The following ARMC1 variants were observed in gnomAD, a reference collection of about 807,000 sequenced individuals.
ARMC1 encodes armadillo repeat-containing protein 1.
In ARMC1, 16 loss-of-function variants were observed where a neutral mutation model predicts 31.4. The ratio of observed to expected loss-of-function variants is 0.51; its 90% CI spans 0.34 to 0.77. The LOEUF is 0.77. Among genes scored for constraint, ARMC1 ranks in the 30% least tolerant of loss-of-function variants. The pLI is 0.01. For missense variants in ARMC1, 259 were observed against 347.5 expected (o/e 0.75, Z 2.02); for synonymous variants, 114 against 118.9 (o/e 0.96, Z 0.27).
At chr8:65,619,271 AC>A (rs1413142547) in intron 3 of ARMC1, among the ~76,000 whole-genome samples, 3 of 152,006 alleles carry the variant, frequency 2.0e-5, no homozygotes, top group Non-Finnish European at 4.4e-5. Context: ...GTGGTGATTC[AC>A]CCCTGTAATC....
At chr8:65,633,674 G>T (rs1808700985) in intron 1 of ARMC1, 1 of 152,270 alleles carries the variant, frequency 6.6e-6, no homozygotes, top group Non-Finnish European at 1.5e-5. Context: ...GCTCTTAGGA[G>T]ACACGCAGGT....
In ARMC1 at chr8:65,620,799, T is replaced by TAAAAAAAAAAAAAAA. The variant is rs112946805; in HGVS notation, c.275+1463_275+1464insTTTTTTTTTTTTTTT. ...TCCTGTAAAAGAATTTAGTTCCATTTAAAAAAAAACACAACTATCTGGGCA... is the reference window on the plus strand; with the variant it reads ...TCCTGTAAAAGAATTTAGTTCCATTTAAAAAAAAAAAAAAAAAAAAAAAACACAACTATCTGGGCA... On this transcript the variant is annotated intron_variant, in intron 3 of 6. Transcript: ENST00000276569. Among the ~76,000 whole-genome samples, 204 of 139,098 alleles carry TAAAAAAAAAAAAAAA rather than the reference T, an allele frequency of 1.5e-3. 2 individuals carry two copies. The highest frequency in any genetic ancestry group is 7.3e-3 in the Middle Eastern group (2 of 274). 91.3% of individuals were successfully genotyped at this position (139,098 alleles called of 152,430 possible).
chr8:65,623,786 C>CTTTTTTTTTTT lies in ARMC1; in HGVS notation c.184-1443_184-1433dup, dbSNP rs201008780. Among the ~76,000 whole-genome samples, 45 of 26,078 alleles carry CTTTTTTTTTTT rather than the reference C, an allele frequency of 1.7e-3. 11 individuals carry two copies. Among genetic ancestry groups the CTTTTTTTTTTT allele is most frequent in the East Asian group, 6.8e-3 (6 of 876 alleles). 17.1% of individuals were successfully genotyped at this position (26,078 alleles called of 152,430 possible). A position where few individuals can be genotyped will look rare whatever the true frequency, so the allele number is the denominator to read the frequency against. On this transcript the variant is annotated intron_variant, in intron 2 of 6. Transcript: ENST00000276569. ...ATGCCAGAAGACAACAAAGTAAAAT[C>CTTTTTTTTTTT]TTTTTTTTTTTTTTTTTTTTTTTTT...
At chr8:65,608,070 G>C (rs2129041038) in intron 4 of ARMC1, among the ~76,000 whole-genome samples, 1 of 152,168 alleles carries the variant, frequency 6.6e-6, no homozygotes, top group African/African-American at 2.4e-5. Flanking sequence ...AGAAATTTCA[G>C]ATCATTCTCC....
intron 1 of ARMC1, among the ~76,000 whole-genome samples, chr8:65,631,831 T>G (rs1168449457): frequency 6.6e-6 from 1 of 150,774 alleles, no homozygotes; most frequent in Non-Finnish European, 1.5e-5. Flanking sequence ...TGATCTTGCC[T>G]GTGAACAGCC....
At chr8:65,607,111 T>C (rs1193405116) in intron 4 of ARMC1, among the ~76,000 whole-genome samples, 1 of 152,228 alleles carries the variant, frequency 6.6e-6, no homozygotes, top group Non-Finnish European at 1.5e-5. Flanking sequence ...CCATTGCTCA[T>C]CTCCCTACTT....
chr8:65,623,283 G>A (rs540053471), intron 2 of ARMC1, among the ~76,000 whole-genome samples: 1 of 113,500 alleles, frequency 8.8e-6, no homozygotes, highest in Non-Finnish European at 1.7e-5. Flanking sequence ...ACTCCAGCCT[G>A]GGCGACAGAG....
chr8:65,613,033 T>C (rs1436568576), intron 4 of ARMC1, among the ~76,000 whole-genome samples: 2 of 152,212 alleles, frequency 1.3e-5, no homozygotes, highest in Admixed American at 1.3e-4. Context: ...TTTCTCTAAG[T>C]TTTACTTCAT....
chr8:65,618,379 G>A (rs1808320459), intron 3 of ARMC1, among the ~76,000 whole-genome samples: 2 of 151,640 alleles, frequency 1.3e-5, no homozygotes, highest in East Asian at 2.0e-4. Context: ...AAAATTAGCC[G>A]GGCGTGGTGG....
chr8:65,604,432 T>C lies in ARMC1; in HGVS notation c.811A>G (p.Thr271Ala). ...GATCTGGATAAAAAGTTTGCAGCTGTGCTAAGCCAGCTAGCTCCACCTTCT... is the reference window on the plus strand; with the variant it reads ...GATCTGGATAAAAAGTTTGCAGCTGCGCTAAGCCAGCTAGCTCCACCTTCT... ...HPEGGASWLS[T>A]AANFLSRSFY... The change falls in exon 7 of 7, where the codon ACA (threonine) becomes GCA (alanine). Residue 271 changes from threonine to alanine, a missense_variant. By Grantham distance (58) the Thr-to-Ala change is moderately conservative (BLOSUM62 0). Around this residue, in one of 3 missense-constraint regions of ARMC1, gnomAD observed 73 missense variants for 100.0 expected, o/e 0.73. Transcript: ENST00000276569. 1 of 1,614,180 alleles carries C rather than the reference T, an allele frequency of 6.2e-7. No homozygotes were observed. Among genetic ancestry groups the C allele is most frequent in the Non-Finnish European group, 8.5e-7 (1 of 1,180,018 alleles).
intron 4 of ARMC1, 59 bp from the exon 5 acceptor site, chr8:65,605,597 G>A: frequency 1.6e-6 from 2 of 1,231,060 alleles, no homozygotes; most frequent in Non-Finnish European, 2.4e-6. Flanking sequence ...ATAAATCAGT[G>A]AAAACCAAGC....
chr8:65,627,362 C>G lies in ARMC1; in HGVS notation c.37G>C (p.Asp13His), dbSNP rs747090042. The change falls in exon 2 of 7, where the codon GAC becomes CAC. Residue 13 changes from aspartate to histidine, a missense_variant. Asp to His is a moderately conservative substitution (Grantham distance 81, BLOSUM62 -1). Around this residue, in one of 3 missense-constraint regions of ARMC1, gnomAD observed 163 missense variants for 186.7 expected, o/e 0.87. Transcript: ENST00000276569. ...SSTSTMSEEP[D>H]ALSVVNQLRD... ...AACTGGTTAACTACCGATAGAGCGTCAGGCTCTTCACTCATGGTGGAAGTG... is the reference window on the plus strand; with the variant it reads ...AACTGGTTAACTACCGATAGAGCGTGAGGCTCTTCACTCATGGTGGAAGTG... 7.5e-6 allele frequency: 12 copies of G among 1,605,894 alleles called. No homozygotes were observed. The highest frequency in any genetic ancestry group is 1.0e-5 in the Non-Finnish European group (12 of 1,175,392).
rs538324950 is a variant in ARMC1 at position 65,624,498 on chromosome 8, CA to C, written c.184-2145del. ...TAGGTGACAGAGCAAGACTCCATCTCAAAAAAAAAAAAAGACATTTTTAAAT... is the reference window on the plus strand; with the variant it reads ...TAGGTGACAGAGCAAGACTCCATCTCAAAAAAAAAAAAGACATTTTTAAAT... On this transcript the variant is annotated intron_variant, in intron 2 of 6. Coordinates refer to ENST00000276569, the MANE Select transcript of ARMC1 (RefSeq NM_018120.6). 1.1e-3 allele frequency among the ~76,000 whole-genome samples: 104 copies of C among 95,296 alleles called. 2 individuals are homozygous for C. The highest frequency in any genetic ancestry group is 2.8e-3 in the South Asian group (6 of 2,108). 62.5% of individuals were successfully genotyped at this position (95,296 alleles called of 152,430 possible).
In ARMC1 at chr8:65,627,234, G is replaced by A. The variant is rs749889150; in HGVS notation, c.165C>T (p.Val55=). 7.0e-6 allele frequency: 11 copies of A among 1,582,222 alleles called. No homozygotes were observed. Among genetic ancestry groups the A allele is most frequent in the South Asian group, 1.1e-5 (1 of 87,042 alleles). ...ILFMDHPNPP[V]VHSALLALRY... is the part of the protein sequence containing the mutation. ...AACTTACAAGCAAAGCGGAGTGGACGACTGGAGGGTTGGGATGGTCCATAA... is the reference window on the plus strand; with the variant it reads ...AACTTACAAGCAAAGCGGAGTGGACAACTGGAGGGTTGGGATGGTCCATAA... Residue 55 remains valine (V), a synonymous_variant, in exon 2 of 7, where the codon GTC becomes GTT. Coordinates refer to ENST00000276569, the MANE Select transcript of ARMC1 (RefSeq NM_018120.6).
chr8:65,615,777 C>T (rs992827166), intron 3 of ARMC1, among the ~76,000 whole-genome samples: 53 of 151,864 alleles, frequency 3.5e-4, no homozygotes, highest in Admixed American at 5.9e-4. Flanking sequence ...TGCCTGTAAT[C>T]CCAGCTACTC....
At chr8:65,623,786 CTTTT>C (rs201008780) in intron 2 of ARMC1, among the ~76,000 whole-genome samples, 243 of 26,084 alleles carry the variant, frequency 9.3e-3, no homozygotes, top group Non-Finnish European at 0.014. Flanking sequence ...AAAGTAAAAT[CTTTT>C]TTTTTTTTTT....
chr8:65,625,653 C>A (rs955246386), intron 2 of ARMC1, among the ~76,000 whole-genome samples: 3 of 152,080 alleles, frequency 2.0e-5, no homozygotes, highest in African/African-American at 7.2e-5. Context: ...GAAATTGAAC[C>A]CAGACTGGGG....
At chr8:65,609,882 G>A (rs79947815) in intron 4 of ARMC1, among the ~76,000 whole-genome samples, 11 of 118,798 alleles carry the variant, frequency 9.3e-5, no homozygotes, top group South Asian at 2.6e-4. Flanking sequence ...AAAAAGAAAA[G>A]AAAAAGAAAA....
rs556859481 is a variant in ARMC1 at position 65,603,192 on chromosome 8, T to C, written c.*1202A>G. ...GAAATTTAATAAAGCATTACATATA[T>C]GTAATTAGCACTTATCTACCAAAAA... On this transcript the variant is annotated 3_prime_UTR_variant, in exon 7 of 7. Transcript: ENST00000276569. 1 of 152,332 alleles carries C rather than the reference T, an allele frequency of 6.6e-6. No homozygotes were observed. Among genetic ancestry groups the C allele is most frequent in the East Asian group, 1.9e-4 (1 of 5,190 alleles). 9.4% of individuals were successfully genotyped at this position (152,332 alleles called of 1,614,324 possible).
Sources: gnomAD v4.1 joint callset for allele counts (sites outside exome capture counted in the v4.1 genomes callset) on GRCh38, gnomAD v4.1.1 for gene constraint, gnomAD v4.1.1 regional missense constraint, MANE v1.5 for transcripts, NCBI Gene and HGNC (gene_info 2026-07-23, HGNC 2026-07-21) for gene names.